The following ADAM29 variants were observed in gnomAD, a reference collection of about 807,000 sequenced individuals.
ADAM29 encodes the protein ADAM metallopeptidase domain 29.
For missense variants in ADAM29, 969 were observed against 1,001.8 expected, an observed-to-expected ratio of 0.97 and a Z score of 0.44; for synonymous variants, 367 against 342.3, an observed-to-expected ratio of 1.07 and a Z score of -0.80.
At chr4:174,955,602 C>A (rs1745456468) in intron 4 of ADAM29, among the ~76,000 whole-genome samples, 1 of 151,934 alleles carries the variant, frequency 6.6e-6, no homozygotes, top group Non-Finnish European at 1.5e-5. Flanking sequence ...CTCAAAATTT[C>A]AGCTGTATAA....
chr4:174,976,297 G>A lies in ADAM29; in HGVS notation c.772G>A (p.Val258Ile), dbSNP rs764489055. 5.6e-5 allele frequency: 90 copies of A among 1,612,318 alleles called. No homozygotes were observed. Among genetic ancestry groups the A allele is most frequent in the Non-Finnish European group, 7.4e-5 (87 of 1,179,554 alleles). ...LEIWTNKNLI[V>I]VDDVRKSVHL... ...GATCTGGACCAATAAAAACCTCATT[G>A]TAGTAGATGATGTAAGGAAATCTGT... Residue 258 changes from valine (V) to isoleucine (I), a missense_variant, in exon 5 of 5, where the codon GTA becomes ATA. Val to Ile is a conservative substitution (Grantham distance 29). Coordinates refer to ENST00000359240, the MANE Select transcript of ADAM29 (RefSeq NM_014269.4).
Position 174,977,013 on chromosome 4 carries a change from G to C in ADAM29, c.1488G>C (p.Lys496Asn). 6.2e-7 allele frequency: 1 copy of C among 1,614,152 alleles called. No homozygotes were observed. The highest frequency in any genetic ancestry group is 1.1e-5 in the South Asian group (1 of 91,078). The change falls in exon 5 of 5, where the codon AAG (lysine) becomes AAC (asparagine). Residue 496 changes from lysine to asparagine, a missense_variant. Transcript: ENST00000359240. ...PCKERGYCYEKSCHDRNEQCR... is the reference protein window; with the variant it reads ...PCKERGYCYENSCHDRNEQCR... ...AGGAGAGGGGCTACTGCTATGAAAA[G>C]AGCTGTCATGACCGCAATGAACAGT...
chr4:174,977,288 T>C lies in ADAM29; in HGVS notation c.1763T>C (p.Leu588Ser). ...DIMCWSTDYH[L>S]GMKGPDIGEV... ...ATGTGCTGGAGTACTGATTACCATT[T>C]GGGGATGAAGGGACCTGATATTGGT... is the stretch of plus-strand genomic sequence containing the variant. The change falls in exon 5 of 5, where the codon TTG (leucine) becomes TCG (serine). Residue 588 changes from leucine to serine, a missense_variant. Transcript: ENST00000359240. 6.2e-7 allele frequency: 1 copy of C among 1,613,908 alleles called. No individual in the cohort carries two copies. The highest frequency in any genetic ancestry group is 8.5e-7 in the Non-Finnish European group (1 of 1,179,996).
intron 1 of ADAM29, chr4:174,918,954 G>C (rs1743022080): frequency 6.6e-6 from 1 of 152,088 alleles, no homozygotes; most frequent in Non-Finnish European, 1.5e-5. Context: ...AGAGTCATAT[G>C]TTTGCTTTCT....
chr4:174,970,084 C>A (rs905927442), intron 4 of ADAM29, among the ~76,000 whole-genome samples: 4 of 151,892 alleles, frequency 2.6e-5, no homozygotes, highest in African/African-American at 9.7e-5. Context: ...AAAATATGGA[C>A]CCTACATTCC....
intron 4 of ADAM29, among the ~76,000 whole-genome samples, chr4:174,954,607 T>C (rs915099649): frequency 9.9e-5 from 15 of 152,194 alleles, no homozygotes; most frequent in African/African-American, 3.6e-4. Context: ...ATGTTCCCTT[T>C]ATTTTATCAA....
In ADAM29 at chr4:174,966,630, C is replaced by T. The variant is rs1178478378; in HGVS notation, c.-180-8716C>T. 3.3e-5 allele frequency among the ~76,000 whole-genome samples: 5 copies of T among 152,124 alleles called. No individual in the cohort carries two copies. The East Asian group carries it at 9.7e-4, about 29-fold the overall frequency. ...CATGTTAATCCTGTCTGGTTTGATG[C>T]TCTGCCTTTCAGAACCACTGGGGCA... On this transcript the variant is annotated intron_variant, in intron 4 of 4. Coordinates refer to ENST00000359240, the MANE Select transcript of ADAM29 (RefSeq NM_014269.4).
chr4:174,957,496 A>G (rs1745570342), intron 4 of ADAM29, among the ~76,000 whole-genome samples: 1 of 151,846 alleles, frequency 6.6e-6, no homozygotes, highest in South Asian at 2.1e-4. Context: ...TTTCAGGGAC[A>G]AACTGTTTAT....
At chr4:174,953,551 GAT>G (rs1179244280) in intron 4 of ADAM29, among the ~76,000 whole-genome samples, 1 of 152,128 alleles carries the variant, frequency 6.6e-6, no homozygotes, top group Non-Finnish European at 1.5e-5. Context: ...AACTGGCCCA[GAT>G]ATACAGCATT....
intron 4 of ADAM29, among the ~76,000 whole-genome samples, chr4:174,953,214 A>T (rs6839441): frequency 1.8e-4 from 28 of 151,866 alleles, no homozygotes; most frequent in African/African-American, 6.8e-4. Context: ...TGAACCCAGG[A>T]GGCGGAGCTT....
chr4:174,953,869 C>T (rs927122423), intron 4 of ADAM29, among the ~76,000 whole-genome samples: 20 of 152,034 alleles, frequency 1.3e-4, no homozygotes, highest in African/African-American at 4.1e-4. Flanking sequence ...ACCACCATGC[C>T]CAGCTAATTT....
chr4:174,946,835 C>T (rs1050490061), intron 4 of ADAM29, among the ~76,000 whole-genome samples: 6 of 152,042 alleles, frequency 3.9e-5, no homozygotes, highest in African/African-American at 1.4e-4. Context: ...CTCTTCATTA[C>T]ACATCTGGTA....
In ADAM29 at chr4:174,975,759, C is replaced by T. The variant is rs1389174381; in HGVS notation, c.234C>T (p.Leu78=). ...KVKKLLFSKH[L]PVFTYTDQGA... ...AGAAGCTTTTGTTTTCCAAACACCT[C>T]CCTGTGTTCACCTACACAGACCAGG... Residue 78 remains leucine (L), a synonymous_variant, in exon 5 of 5, where the codon CTC becomes CTT. Transcript: ENST00000359240. The T allele has an allele frequency of 3.1e-6, 5 of 1,613,802 alleles. No individual in the cohort carries two copies. The highest frequency in any genetic ancestry group is 1.7e-5 in the Admixed American group (1 of 59,976).
At position 174,926,409 on chromosome 4, in the gene ADAM29, T is replaced by C. The variant is rs78703298; in HGVS notation, c.-450-4577T>C. Among the ~76,000 whole-genome samples the C allele has an allele frequency of 1.2e-3, 190 of 152,140 alleles. 2 individuals are homozygous for C. In the East Asian group the frequency reaches 0.031, roughly 25 times the overall value. On this transcript the variant is annotated intron_variant, in intron 2 of 4. Transcript: ENST00000359240. ...TATCTCAAGTTCTGAAAATAAGATA[T>C]ATTTAACTATGAAGATTTAATAAGG...
intron 3 of ADAM29, among the ~76,000 whole-genome samples, chr4:174,935,271 T>C (rs369396369): frequency 2.3e-4 from 35 of 152,250 alleles, no homozygotes; most frequent in African/African-American, 8.4e-4. Flanking sequence ...TAGAAATGCA[T>C]TGAATTCTTA....
rs980583984 is a variant in ADAM29 at position 174,975,986 on chromosome 4, G to A, written c.461G>A (p.Ser154Asn). ...TFEHLVYKMD[S>N]EEKQFSTMRS... is the part of the protein sequence containing the mutation. ...GAACATCTGGTATACAAGATGGACAGTGAGGAGAAACAATTTTCAACCATG... is the reference window on the plus strand; with the variant it reads ...GAACATCTGGTATACAAGATGGACAATGAGGAGAAACAATTTTCAACCATG... The change falls in exon 5 of 5, where the codon AGT (serine) becomes AAT (asparagine). Residue 154 changes from serine (S) to asparagine (N), a missense_variant. Ser to Asn is a conservative substitution (Grantham distance 46). Transcript: ENST00000359240. 3 of 1,613,914 alleles carry A rather than the reference G, an allele frequency of 1.9e-6. No individual in the cohort carries two copies. The highest frequency in any genetic ancestry group is 1.3e-5 in the African/African-American group (1 of 74,916).
intron 3 of ADAM29, among the ~76,000 whole-genome samples, chr4:174,934,086 C>T (rs576714507): frequency 8.2e-4 from 125 of 152,172 alleles, no homozygotes; most frequent in African/African-American, 2.9e-3. Context: ...ATTTACATTC[C>T]CACCAACAGT....
intron 2 of ADAM29, among the ~76,000 whole-genome samples, chr4:174,927,326 T>C (rs1306475476): frequency 6.6e-6 from 1 of 152,202 alleles, no homozygotes; most frequent in African/African-American, 2.4e-5. Flanking sequence ...ATAGTAATTG[T>C]GTTTTTTTTT....
intron 3 of ADAM29, among the ~76,000 whole-genome samples, chr4:174,935,500 G>A (rs1418975836): frequency 1.3e-5 from 2 of 151,964 alleles, no homozygotes; most frequent in African/African-American, 2.4e-5. Flanking sequence ...CATAGTGAAC[G>A]TCTAGTAAGA....
Sources: allele counts gnomAD v4.1 joint callset (sites outside exome capture counted in the v4.1 genomes callset), GRCh38; gene constraint gnomAD v4.1.1; transcripts MANE v1.5; gene names NCBI Gene and HGNC (gene_info 2026-07-23, HGNC 2026-07-21).